Variants in CUBN observed in about 807,000 individuals in gnomAD.
CUBN encodes cubilin, also known as 460 kDa receptor.
In CUBN, 282 loss-of-function variants were observed where a neutral mutation model predicts 405.3. That is an observed-to-expected ratio of 0.70 (90% CI 0.63 to 0.77). The LOEUF is 0.77. CUBN is among the 30% of genes least tolerant of loss of function. CUBN has a pLI of 0.00. For missense variants in CUBN, 4,514 were observed against 4,475.2 expected (o/e 1.01, Z -0.25); for synonymous variants, 1,684 against 1,617.0 (o/e 1.04, Z -0.99).
Position 16,839,599 on chromosome 10 carries a change from C to T in CUBN, c.10032+731G>A, listed in dbSNP as rs550900647. Among the ~76,000 whole-genome samples, 583 of 94,056 alleles carry T rather than the reference C, an allele frequency of 6.2e-3. 67 individuals are homozygous for T. The highest frequency in any genetic ancestry group is 0.026 in the Middle Eastern group (4 of 152). The allele number at this position is 94,056 out of a possible 152,430, so 61.7% of individuals were successfully genotyped here. ...TGGAGAGGATGTGGAGAAATAGGAA[C>T]GCTTTGACACTGTTGGTGGAACTGT... On this transcript the variant is annotated intron_variant, in intron 62 of 66. Coordinates refer to ENST00000377833, the MANE Select transcript of CUBN (RefSeq NM_001081.4).
intron 28 of CUBN, among the ~76,000 whole-genome samples, chr10:16,999,330 G>A (rs1224160383): frequency 6.6e-6 from 1 of 152,152 alleles, no homozygotes; most frequent in Non-Finnish European, 1.5e-5. Context: ...TTAATTTCCT[G>A]TATACAAAAG....
intron 31 of CUBN, among the ~76,000 whole-genome samples, chr10:16,966,325 G>A (rs752101054): frequency 3.9e-5 from 6 of 152,064 alleles, no homozygotes; most frequent in African/African-American, 7.2e-5. Context: ...AACTTCTATC[G>A]TTGCCACATA....
chr10:16,949,434 GGTGTGTGTGT>G (rs59878960), intron 34 of CUBN, among the ~76,000 whole-genome samples: 4 of 108,788 alleles, frequency 3.7e-5, no homozygotes, highest in Non-Finnish European at 8.1e-5. Context: ...TAAATGGCCT[GGTGTGTGTGT>G]GTGTGTGTGT....
chr10:16,984,171 G>T lies in CUBN; in HGVS notation c.4459C>A (p.Arg1487=), dbSNP rs145661597. The T allele has an allele frequency of 4.0e-5, 65 of 1,614,008 alleles. No individual in the cohort carries two copies. Among genetic ancestry groups the T allele is most frequent in the Non-Finnish European group, 5.4e-5 (64 of 1,180,046 alleles). The change falls in exon 30 of 67, where the codon CGA becomes AGA. Residue 1487 remains arginine (R), a synonymous_variant. Coordinates refer to ENST00000377833, the MANE Select transcript of CUBN (RefSeq NM_001081.4). ...TTTATGGACAAGTCGGTCTTGAATCGAATTGCTAGCTCATTTCCAGTGCTG... is the reference window on the plus strand; with the variant it reads ...TTTATGGACAAGTCGGTCTTGAATCTAATTGCTAGCTCATTTCCAGTGCTG... ...VSSTGNELAI[R]FKTDLSINGR...
intron 28 of CUBN, among the ~76,000 whole-genome samples, chr10:17,017,388 C>A (rs556132474): frequency 6.6e-6 from 1 of 152,218 alleles, no homozygotes; most frequent in East Asian, 1.9e-4. Flanking sequence ...GATTTAGTGG[C>A]CCTTACTGAC....
chr10:16,976,490 C>T (rs1403768923), intron 31 of CUBN, among the ~76,000 whole-genome samples: 2 of 128,856 alleles, frequency 1.6e-5, no homozygotes, highest in Admixed American at 1.5e-4. Context: ...TTCTCTTTAT[C>T]TTTGTTATTA....
intron 62 of CUBN, among the ~76,000 whole-genome samples, chr10:16,837,756 C>T (rs371583540): frequency 1.5e-3 from 231 of 152,216 alleles, no homozygotes; most frequent in African/African-American, 4.7e-3. Flanking sequence ...CCAGCTCATC[C>T]GTCAATGTTT....
At chr10:16,916,217 T>C (rs1246331419) in intron 45 of CUBN, among the ~76,000 whole-genome samples, 187 bp from the exon 46 acceptor site, 1 of 152,230 alleles carries the variant, frequency 6.6e-6, no homozygotes, top group Non-Finnish European at 1.5e-5. Context: ...TGAATTCTAC[T>C]GTTGATGTAA....
At chr10:17,118,594 G>A (rs935923972) in intron 6 of CUBN, among the ~76,000 whole-genome samples, 28 of 152,244 alleles carry the variant, frequency 1.8e-4, no homozygotes, top group African/African-American at 4.8e-4. Context: ...GTGCCAGCAC[G>A]TAAGCTAAGT....
chr10:17,071,374 A>AT (rs981707774), intron 19 of CUBN, 52 bp downstream of exon 19: 102 of 1,566,312 alleles, frequency 6.5e-5, no homozygotes, highest in Non-Finnish European at 8.0e-5. Flanking sequence ...AACCCATAAT[A>AT]TTTTTTATAA....
chr10:16,997,784 G>A (rs1833776091), intron 28 of CUBN, among the ~76,000 whole-genome samples: 1 of 152,156 alleles, frequency 6.6e-6, no homozygotes, highest in Non-Finnish European at 1.5e-5. Flanking sequence ...GTAATTCCTG[G>A]TTTGATGTTA....
chr10:16,893,675 T>G (rs1406176823), intron 54 of CUBN, among the ~76,000 whole-genome samples: 2 of 152,214 alleles, frequency 1.3e-5, no homozygotes, highest in Non-Finnish European at 1.5e-5. Context: ...CTCAGTGATT[T>G]GTCCAGATTG....
chr10:17,023,553 G>T (rs1390205638), intron 27 of CUBN: 4 of 455,098 alleles, frequency 8.8e-6, no homozygotes, highest in Admixed American at 2.4e-5. Flanking sequence ...ACAAATACAG[G>T]TTACCATGGA....
At chr10:17,045,519 C>A (rs542629713) in intron 24 of CUBN, among the ~76,000 whole-genome samples, 1 of 152,004 alleles carries the variant, frequency 6.6e-6, no homozygotes, top group Admixed American at 6.6e-5. Flanking sequence ...GCCACCACGT[C>A]CAGCTAATTT....
At chr10:17,025,449 T>G (rs1834634117) in intron 27 of CUBN, among the ~76,000 whole-genome samples, 3 of 152,240 alleles carry the variant, frequency 2.0e-5, no homozygotes, top group African/African-American at 4.8e-5. Flanking sequence ...CAAGCTAAAA[T>G]GTCTTTATCT....
At chr10:17,111,114 G>C in intron 8 of CUBN, 64 bp from the exon 9 acceptor site, 2 of 1,565,766 alleles carry the variant, frequency 1.3e-6, no homozygotes, top group South Asian at 2.2e-5. Flanking sequence ...AGAAATACAA[G>C]AGTCAAAACA....
chr10:17,126,179 T>C (rs1837179338), intron 4 of CUBN, among the ~76,000 whole-genome samples: 1 of 152,228 alleles, frequency 6.6e-6, no homozygotes, highest in Non-Finnish European at 1.5e-5. Context: ...TTTCTCTGCA[T>C]AGAAGGTTAC....
intron 1 of CUBN, 133 bp from the exon 2 acceptor site, chr10:17,129,383 C>T: frequency 4.6e-6 from 5 of 1,093,316 alleles, no homozygotes; most frequent in Non-Finnish European, 6.7e-6. Context: ...CCCAACTGCC[C>T]CTGCTCATCT....
At chr10:16,944,765 T>C (rs1446781635) in intron 36 of CUBN, among the ~76,000 whole-genome samples, 1 of 152,228 alleles carries the variant, frequency 6.6e-6, no homozygotes, top group East Asian at 1.9e-4. Context: ...TAATGTCTAT[T>C]AAGCACTGAA....
Sources: gnomAD v4.1 joint callset for allele counts (sites outside exome capture counted in the v4.1 genomes callset) on GRCh38, gnomAD v4.1.1 for gene constraint, MANE v1.5 for transcripts, NCBI Gene and HGNC (gene_info 2026-07-23, HGNC 2026-07-21) for gene names.